Variants in FLG observed in about 807,000 individuals in gnomAD.
The protein encoded by FLG is epidermal filaggrin.
In FLG, 6 loss-of-function variants were observed where a neutral mutation model predicts 3.8. The observed-to-expected ratio is 1.60, with a 90% CI of 0.87 to 3.15. FLG has a LOEUF of 3.15. Ranked by LOEUF, FLG falls within the 30% of genes most tolerant of loss-of-function variation. The probability of loss-of-function intolerance (pLI) is 0.00; values close to 1 mark genes in which losing one functional copy is unlikely to be tolerated. For synonymous variants in FLG, 2,551 were observed against 1,931.6 expected (o/e 1.32, Z -8.41); for missense variants, 7,595 against 5,050.9 (o/e 1.50, Z -15.27).
chr1:152,323,516 C>T (rs1653047889), intron 1 of FLG, among the ~76,000 whole-genome samples: 1 of 151,470 alleles, frequency 6.6e-6, no homozygotes, highest in East Asian at 1.9e-4. Context: ...ATCCAAATGG[C>T]CAATAAACAT....
rs1239939895 is a variant in FLG, at chr1:152,311,530, T to C, written c.3356A>G (p.Tyr1119Cys). ...GRSGRSGSFI[Y>C]QVSTHEQSES... ...AGACTGTTCATGAGTGCTCACCTGG[T>C]AGATGAAAGACCCTGAACGTCCAGA... Residue 1119 changes from tyrosine (Y) to cysteine (C), a missense_variant, in exon 3 of 3, where the codon TAC (tyrosine) becomes TGC (cysteine). Coordinates refer to ENST00000368799, the MANE Select transcript of FLG (RefSeq NM_002016.2). 2 of 1,613,850 alleles carry C rather than the reference T, an allele frequency of 1.2e-6. No homozygotes were observed. Among genetic ancestry groups the C allele is most frequent in the Non-Finnish European group, 1.7e-6 (2 of 1,179,972 alleles).
In FLG at chr1:152,305,099, C is replaced by T. The variant is rs79771385; in HGVS notation, c.9787G>A (p.Gly3263Ser). The T allele has an allele frequency of 6.7e-3, 10,756 of 1,613,788 alleles. 559 individuals are homozygous for T. In the African/African-American group the frequency reaches 0.12, roughly 18 times the overall value. ...HPRSHHEDRA[G>S]HGHSADRSRQ... is the part of the protein sequence containing the mutation. Reference sequence around the variant, plus strand: ...GAGCGGTCTGCAGAGTGCCCGTGACCGGCTCTGTCTTCGTGATGGGACCTG... The same window carrying T: ...GAGCGGTCTGCAGAGTGCCCGTGACTGGCTCTGTCTTCGTGATGGGACCTG... Residue 3263 changes from glycine to serine, a missense_variant, in exon 3 of 3, where the codon GGT (glycine) becomes AGT (serine). Coordinates refer to ENST00000368799, the MANE Select transcript of FLG (RefSeq NM_002016.2).
chr1:152,321,901 A>C (rs1361348848), intron 1 of FLG, among the ~76,000 whole-genome samples: 4 of 151,244 alleles, frequency 2.6e-5, no homozygotes, highest in Non-Finnish European at 4.5e-5. Flanking sequence ...ACTCTGAAAG[A>C]ATATAATAGC....
chr1:152,324,603 A>C (rs935689087), intron 1 of FLG, among the ~76,000 whole-genome samples: 1 of 151,876 alleles, frequency 6.6e-6, no homozygotes, highest in Non-Finnish European at 1.5e-5. Flanking sequence ...TCTGTGGCCC[A>C]GGACAGCTTT....
chr1:152,314,104 C>G lies in FLG; in HGVS notation c.782G>C (p.Arg261Thr), dbSNP rs1287786281. The G allele has an allele frequency of 1.2e-6, 2 of 1,614,116 alleles. No homozygotes were observed. The highest frequency in any genetic ancestry group is 1.3e-5 in the African/African-American group (1 of 75,030). ...AGATGATGATTTGCCATCAGATGAC[C>G]TTGATCTTTCATATATTTTGTTTTC... is the stretch of plus-strand genomic sequence containing the variant. ...LEENKIYERS[R>T]SSDGKSSSQV... The change falls in exon 3 of 3, where the codon AGG (arginine) becomes ACG (threonine). Residue 261 changes from arginine (R) to threonine (T), a missense_variant. Arg to Thr is a moderately conservative substitution (Grantham distance 71, BLOSUM62 -1). Transcript: ENST00000368799.
In FLG at chr1:152,305,515, T is replaced by A. The variant is rs147564475; in HGVS notation, c.9371A>T (p.Tyr3124Phe). 437 of 1,556,864 alleles carry A rather than the reference T, an allele frequency of 2.8e-4. 36 individuals are homozygous for A. Among genetic ancestry groups the A allele is most frequent in the Admixed American group, 8.6e-4 (47 of 54,388 alleles). ...GCTATCTACCGAATGCTCGTGGTGG[T>A]ACCCCTGCCTTCCTCCTCTGCTTGA... is the stretch of plus-strand genomic sequence containing the variant. ...PGSSRGGRQG[Y>F]HHEHSVDSSG... Residue 3124 changes from tyrosine (Y) to phenylalanine (F), a missense_variant, in exon 3 of 3, where the codon TAC becomes TTC. Coordinates refer to ENST00000368799, the MANE Select transcript of FLG (RefSeq NM_002016.2).
rs377272004 is a variant in FLG at position 152,303,642 on chromosome 1, G to A, written c.11244C>T (p.His3748=). 8.7e-6 allele frequency: 14 copies of A among 1,613,862 alleles called. No homozygotes were observed. Among genetic ancestry groups the A allele is most frequent in the Admixed American group, 1.7e-5 (1 of 59,916 alleles). The part of the protein sequence containing the change: ...RHEQARDSSR[H]SASQEGQDTI... ...TGTCCTGACCCTCTTGGGACGCTGAGTGCCTGGAGCTGTCTCGTGCCTGCT... is the reference window on the plus strand; with the variant it reads ...TGTCCTGACCCTCTTGGGACGCTGAATGCCTGGAGCTGTCTCGTGCCTGCT... Residue 3748 remains histidine (H), a synonymous_variant, in exon 3 of 3, where the codon CAC becomes CAT. Coordinates refer to ENST00000368799, the MANE Select transcript of FLG (RefSeq NM_002016.2).
Position 152,307,822 on chromosome 1 carries a change from A to G in FLG, c.7064T>C (p.Val2355Ala), listed in dbSNP as rs1408757545. The change falls in exon 3 of 3, where the codon GTC (valine) becomes GCC (alanine). Residue 2355 changes from valine (V) to alanine (A), a missense_variant. Physicochemically the swap from Val to Ala is moderately conservative, Grantham distance 64. Coordinates refer to ENST00000368799, the MANE Select transcript of FLG (RefSeq NM_002016.2). ...GIGHGQASSA[V>A]RDSGHRGSSG... is the part of the protein sequence containing the mutation. ...GGACCCTCGGTGTCCACTGTCTCTGACTGCAGATGAAGCTTGTCCGTGCCC... is the reference window on the plus strand; with the variant it reads ...GGACCCTCGGTGTCCACTGTCTCTGGCTGCAGATGAAGCTTGTCCGTGCCC... The G allele has an allele frequency of 6.2e-7, 1 of 1,611,796 alleles. No individual in the cohort carries two copies.
rs757525009 is a variant in FLG, at chr1:152,308,130, G to T, written c.6756C>A (p.His2252Gln). ...SVSQDSDSEG[H>Q]SEDSERRSGS... The stretch of plus-strand genomic sequence containing the variant: ...CAGACCGCCTCTCAGAATCTTCTGA[G>T]TGTCCCTCACTGTCACTGTCCTGGC... The change falls in exon 3 of 3, where the codon CAC (histidine) becomes CAA (glutamine). Residue 2252 changes from histidine (H) to glutamine (Q), a missense_variant. Transcript: ENST00000368799. 81 of 1,613,454 alleles carry T rather than the reference G, an allele frequency of 5.0e-5. No homozygotes were observed. The Admixed American group carries it at 1.3e-3, about 27-fold the overall frequency.
Position 152,308,543 on chromosome 1 carries a change from G to C in FLG, c.6343C>G (p.Gln2115Glu), listed in dbSNP as rs1168517932. The change falls in exon 3 of 3, where the codon CAA becomes GAA. Residue 2115 changes from glutamine (Q) to glutamate (E), a missense_variant. Gln to Glu is a conservative substitution (Grantham distance 29). Coordinates refer to ENST00000368799, the MANE Select transcript of FLG (RefSeq NM_002016.2). ...GQSAPSTGGR[Q>E]GSHYDQAQDS... is the part of the protein sequence containing the mutation. ...TGTGCCTGATCATAATGGGATCCTTGTCTTCCTCCAGTGCTGGGCGCAGAC... is the reference window on the plus strand; with the variant it reads ...TGTGCCTGATCATAATGGGATCCTTCTCTTCCTCCAGTGCTGGGCGCAGAC... The C allele has an allele frequency of 6.2e-7, 1 of 1,614,032 alleles. No homozygotes were observed. Among genetic ancestry groups the C allele is most frequent in the Admixed American group, 1.7e-5 (1 of 60,006 alleles).
rs751694054 is a variant in FLG, at chr1:152,307,759, T to G, written c.7127A>C (p.Glu2376Ala). Residue 2376 changes from glutamate (E) to alanine (A), a missense_variant, in exon 3 of 3, where the codon GAA (glutamate) becomes GCA (alanine). Transcript: ENST00000368799. ...TGACACTGACTGTGTGTCTGAGTCT[T>G]CTGAATGTCCCTCACTGTCACTGGC... ...SQASDSEGHS[E>A]DSDTQSVSAH... 2 of 1,613,158 alleles carry G rather than the reference T, an allele frequency of 1.2e-6. No individual in the cohort carries two copies. Among genetic ancestry groups the G allele is most frequent in the African/African-American group, 2.7e-5 (2 of 74,574 alleles).
rs902235973 is a variant in FLG at position 152,307,847 on chromosome 1, C to A, written c.7039G>T (p.Gly2347Trp). 1.2e-6 allele frequency: 2 copies of A among 1,613,084 alleles called. No homozygotes were observed. Among genetic ancestry groups the A allele is most frequent in the East Asian group, 4.5e-5 (2 of 44,816 alleles). ...SADSSRHSGIGHGQASSAVRD... is the reference protein window; with the variant it reads ...SADSSRHSGIWHGQASSAVRD... ...ACTGCAGATGAAGCTTGTCCGTGCC[C>A]AATGCCTGAGTGTCTGGAGCTGTCT... The change falls in exon 3 of 3, where the codon GGG becomes TGG. Residue 2347 changes from glycine (G) to tryptophan (W), a missense_variant. Gly to Trp is a radical substitution (Grantham distance 184, BLOSUM62 -2). Coordinates refer to ENST00000368799, the MANE Select transcript of FLG (RefSeq NM_002016.2).
Position 152,310,035 on chromosome 1 carries a change from G to C in FLG, c.4851C>G (p.Asn1617Lys), listed in dbSNP as rs141873911. The C allele has an allele frequency of 1.2e-6, 2 of 1,613,524 alleles. No homozygotes were observed. Among genetic ancestry groups the C allele is most frequent in the African/African-American group, 2.7e-5 (2 of 74,708 alleles). ...SERRSESASR[N>K]HYGSAREQSR... ...ACTGCTCCCGAGCAGATCCATAATGGTTTCTGGAAGCCGACTCAGACCGCC... is the reference window on the plus strand; with the variant it reads ...ACTGCTCCCGAGCAGATCCATAATGCTTTCTGGAAGCCGACTCAGACCGCC... The change falls in exon 3 of 3, where the codon AAC becomes AAG. Residue 1617 changes from asparagine to lysine, a missense_variant. Asn to Lys is a moderately conservative substitution (Grantham distance 94). Coordinates refer to ENST00000368799, the MANE Select transcript of FLG (RefSeq NM_002016.2).
In FLG at chr1:152,311,673, G is replaced by A. The variant is rs759190278; in HGVS notation, c.3213C>T (p.Ala1071=). Residue 1071 remains alanine (A), a synonymous_variant, in exon 3 of 3, where the codon GCC becomes GCT. Transcript: ENST00000368799. ...SGHWGSSGSQ[A]SDSEGHSEES... ...CCTCTGAATGTCCCTCACTATCACT[G>A]GCCTGACTACCACTGGACCCCCAGT... is the stretch of plus-strand genomic sequence containing the variant. 1.2e-6 allele frequency: 2 copies of A among 1,614,066 alleles called. No individual in the cohort carries two copies. The highest frequency in any genetic ancestry group is 8.5e-7 in the Non-Finnish European group (1 of 1,180,000).
rs753167873 is a variant in FLG, at chr1:152,311,528, G to A, written c.3358C>T (p.Gln1120Ter). 1 of 1,613,850 alleles carries A rather than the reference G, an allele frequency of 6.2e-7. No individual in the cohort carries two copies. Among genetic ancestry groups the A allele is most frequent in the Non-Finnish European group, 8.5e-7 (1 of 1,179,978 alleles). ...TCAGACTGTTCATGAGTGCTCACCT[G>A]GTAGATGAAAGACCCTGAACGTCCA... ...RSGRSGSFIY[Q>*]VSTHEQSESA... is the part of the protein sequence containing the mutation. The change falls in exon 3 of 3, where the codon CAG (glutamine) becomes TAG (stop). Residue 1120 changes from glutamine to a stop codon, truncating the protein, a stop_gained. Coordinates refer to ENST00000368799, the MANE Select transcript of FLG (RefSeq NM_002016.2). LOFTEE classifies it low-confidence loss of function (END_TRUNC).
chr1:152,308,035 G>C lies in FLG; in HGVS notation c.6851C>G (p.Ser2284Cys). 1 of 1,614,186 alleles carries C rather than the reference G, an allele frequency of 6.2e-7. No homozygotes were observed. The highest frequency in any genetic ancestry group is 1.3e-5 in the African/African-American group (1 of 75,034). ...QSRDGSRHPR[S>C]HHEDRAGHGH... Reference sequence around the variant, plus strand: ...ATGACCGGCTCTGTCTTCGTGATGGGACCTGGGGTGTCTGGAGCCATCTCT... The same window carrying C: ...ATGACCGGCTCTGTCTTCGTGATGGCACCTGGGGTGTCTGGAGCCATCTCT... The change falls in exon 3 of 3, where the codon TCC becomes TGC. Residue 2284 changes from serine to cysteine, a missense_variant. By Grantham distance (112) the Ser-to-Cys change is moderately radical. Coordinates refer to ENST00000368799, the MANE Select transcript of FLG (RefSeq NM_002016.2).
chr1:152,308,363 C>A lies in FLG; in HGVS notation c.6523G>T (p.Gly2175Ter). Residue 2175 changes from glycine to a stop codon, truncating the protein, a stop_gained, in exon 3 of 3, where the codon GGA becomes TGA. Transcript: ENST00000368799. LOFTEE classifies it low-confidence loss of function (END_TRUNC). ...GSHHSHTTSQ[G>*]RSDASRGQSG... is the part of the protein sequence containing the mutation. The stretch of plus-strand genomic sequence containing the variant: ...TGCCCACGGGAGGCATCAGACCTTC[C>A]CTGGGATGTGGTGTGGCTGTGATGA... 1 of 1,613,678 alleles carries A rather than the reference C, an allele frequency of 6.2e-7. No homozygotes were observed. The highest frequency in any genetic ancestry group is 8.5e-7 in the Non-Finnish European group (1 of 1,179,792).
rs1652345200 is a variant in FLG at position 152,310,706 on chromosome 1, G to T, written c.4180C>A (p.Gln1394Lys). ...DSGHRGSSGSQVTNSEGHSED... is the reference protein window; with the variant it reads ...DSGHRGSSGSKVTNSEGHSED... Reference sequence around the variant, plus strand: ...GAATGTCCCTCACTGTTAGTGACCTGACTACCACTGGACCCTCGGTGTCCA... The same window carrying T: ...GAATGTCCCTCACTGTTAGTGACCTTACTACCACTGGACCCTCGGTGTCCA... The change falls in exon 3 of 3, where the codon CAG (glutamine) becomes AAG (lysine). Residue 1394 changes from glutamine to lysine, a missense_variant. Coordinates refer to ENST00000368799, the MANE Select transcript of FLG (RefSeq NM_002016.2). 1 of 1,614,008 alleles carries T rather than the reference G, an allele frequency of 6.2e-7. No homozygotes were observed. The highest frequency in any genetic ancestry group is 8.5e-7 in the Non-Finnish European group (1 of 1,180,012).
rs770368022 is a variant in FLG at position 152,305,123 on chromosome 1, T to C, written c.9763A>G (p.Arg3255Gly). 1.2e-6 allele frequency: 2 copies of C among 1,613,920 alleles called. No individual in the cohort carries two copies. The highest frequency in any genetic ancestry group is 3.3e-5 in the Admixed American group (2 of 59,992). The change falls in exon 3 of 3, where the codon AGG becomes GGG. Residue 3255 changes from arginine (R) to glycine (G), a missense_variant. Coordinates refer to ENST00000368799, the MANE Select transcript of FLG (RefSeq NM_002016.2). Reference sequence around the variant, plus strand: ...CCGGCTCTGTCTTCGTGATGGGACCTGGGGTGTCTGGAGCCGTGCCTTGAC... The same window carrying C: ...CCGGCTCTGTCTTCGTGATGGGACCCGGGGTGTCTGGAGCCGTGCCTTGAC... The part of the protein sequence containing the change: ...EQSRHGSRHP[R>G]SHHEDRAGHG...
Sources: gnomAD v4.1 joint callset for allele counts (sites outside exome capture counted in the v4.1 genomes callset) on GRCh38, gnomAD v4.1.1 for gene constraint, MANE v1.5 for transcripts, NCBI Gene and HGNC (gene_info 2026-07-23, HGNC 2026-07-21) for gene names.